Variants in PPP1R16B observed in about 807,000 individuals in gnomAD.
PPP1R16B encodes the protein protein phosphatase 1 regulatory inhibitor subunit 16B.
A neutral mutation model predicts 61.7 loss-of-function variants in PPP1R16B; 14 were observed. That is an observed-to-expected ratio of 0.23 (90% confidence interval 0.15 to 0.35). The LOEUF is 0.35. Among genes scored for constraint, PPP1R16B ranks in the 10% least tolerant of loss-of-function variants. The pLI is 1.00. For missense variants in PPP1R16B, 547 were observed against 752.5 expected, an observed-to-expected ratio of 0.73 and a Z score of 3.19; for synonymous variants, 266 against 305.3, an observed-to-expected ratio of 0.87 and a Z score of 1.34.
At chr20:38,870,154 C>T (rs1204516722) in intron 2 of PPP1R16B, among the ~76,000 whole-genome samples, 1 of 152,070 alleles carries the variant, frequency 6.6e-6, no homozygotes, top group African/African-American at 2.4e-5. Context: ...GAATTCCTGA[C>T]CTCAAGTGAT....
intron 2 of PPP1R16B, among the ~76,000 whole-genome samples, chr20:38,857,230 T>C (rs1017589342): frequency 3.3e-5 from 5 of 152,268 alleles, no homozygotes; most frequent in Admixed American, 3.3e-4. Flanking sequence ...CTCCTGGCTT[T>C]AGGAAGTTTC....
chr20:38,858,420 C>G (rs75811438), intron 2 of PPP1R16B, among the ~76,000 whole-genome samples: 3,233 of 152,224 alleles, frequency 0.021, 102 homozygotes, highest in African/African-American at 0.074. Context: ...TTGAAGGAAA[C>G]TTTACTGCTG....
intron 2 of PPP1R16B, among the ~76,000 whole-genome samples, chr20:38,861,431 C>G (rs1199009197): frequency 6.6e-6 from 1 of 152,206 alleles, no homozygotes; most frequent in Admixed American, 6.5e-5. Flanking sequence ...AGAGCCAAGA[C>G]TCCTGTGTCC....
At chr20:38,834,700 T>C (rs1405482133) in intron 1 of PPP1R16B, among the ~76,000 whole-genome samples, 1 of 152,164 alleles carries the variant, frequency 6.6e-6, no homozygotes, top group Non-Finnish European at 1.5e-5. Context: ...TATCATAATA[T>C]AAATGAATAT....
Position 38,895,581 on chromosome 20 carries a change from T to G in PPP1R16B, c.338T>G (p.Phe113Cys), listed in dbSNP as rs778459886. ...CTCTCCCAGTGCTGCATCGACAACT[T>G]TGAGGAAATTGTGAAGCTGCTCCTC... ...TALHQCCIDN[F>C]EEIVKLLLSH... is the part of the protein sequence containing the mutation. The change falls in exon 4 of 11, where the codon TTT (phenylalanine) becomes TGT (cysteine). Residue 113 changes from phenylalanine (F) to cysteine (C), a missense_variant. Phe to Cys is a radical substitution (Grantham distance 205, BLOSUM62 -2). Coordinates refer to ENST00000299824, the MANE Select transcript of PPP1R16B (RefSeq NM_015568.4). 1 of 1,613,788 alleles carries G rather than the reference T, an allele frequency of 6.2e-7. No individual in the cohort carries two copies.
chr20:38,915,166 G>A (rs981142240), intron 10 of PPP1R16B, among the ~76,000 whole-genome samples: 2 of 152,124 alleles, frequency 1.3e-5, no homozygotes, highest in African/African-American at 4.8e-5. Flanking sequence ...ATGAACTAAA[G>A]CCCATAGTTT....
At chr20:38,826,291 T>G (rs1363110713) in intron 1 of PPP1R16B, among the ~76,000 whole-genome samples, 1 of 152,224 alleles carries the variant, frequency 6.6e-6, no homozygotes, top group Non-Finnish European at 1.5e-5. Flanking sequence ...AGCTATTACA[T>G]AAGCTTCTTT....
intron 2 of PPP1R16B, among the ~76,000 whole-genome samples, chr20:38,885,036 C>CAAAAAAAAAAAAAA (rs71330453): frequency 1.5e-5 from 1 of 67,814 alleles, no homozygotes; most frequent in African/African-American, 6.5e-5. Context: ...AACTCTGTCT[C>CAAAAAAAAAAAAAA]AAAAAAAAAA....
At chr20:38,825,067 T>G (rs1393876797) in intron 1 of PPP1R16B, among the ~76,000 whole-genome samples, 1 of 152,228 alleles carries the variant, frequency 6.6e-6, no homozygotes, top group Admixed American at 6.5e-5. Context: ...AGATAGCTTG[T>G]TAGGGATATT....
intron 2 of PPP1R16B, among the ~76,000 whole-genome samples, chr20:38,874,209 T>C (rs1276137830): frequency 3.3e-5 from 5 of 152,156 alleles, no homozygotes; most frequent in African/African-American, 1.2e-4. Flanking sequence ...CCTTATCTTG[T>C]AGTCAGTCCA....
At chr20:38,890,428 C>T (rs1048174572) in intron 3 of PPP1R16B, among the ~76,000 whole-genome samples, 3 of 152,248 alleles carry the variant, frequency 2.0e-5, no homozygotes, top group Non-Finnish European at 4.4e-5. Flanking sequence ...CCCAACTTCT[C>T]AGGTCCTTGT....
chr20:38,906,833 G>A, intron 7 of PPP1R16B, 146 bp from the exon 8 acceptor site: 1 of 673,252 alleles, frequency 1.5e-6, no homozygotes, highest in Admixed American at 2.3e-5. Context: ...TCCCCCCATG[G>A]CTCTAGTTTG....
chr20:38,868,583 A>G (rs1488240368), intron 2 of PPP1R16B, among the ~76,000 whole-genome samples: 2 of 152,070 alleles, frequency 1.3e-5, no homozygotes, highest in Admixed American at 6.5e-5. Context: ...GGGTTTCACT[A>G]TGTTGGTCAG....
chr20:38,885,967 G>A (rs956685781), intron 2 of PPP1R16B, among the ~76,000 whole-genome samples: 1 of 152,122 alleles, frequency 6.6e-6, no homozygotes, highest in African/African-American at 2.4e-5. Context: ...GTAGAGACAG[G>A]GTTTCGCCAT....
intron 3 of PPP1R16B, among the ~76,000 whole-genome samples, chr20:38,894,708 G>T (rs532137853): frequency 6.6e-6 from 1 of 152,138 alleles, no homozygotes; most frequent in Non-Finnish European, 1.5e-5. Flanking sequence ...CTGTAAAGTG[G>T]CTCCCTGTCT....
intron 1 of PPP1R16B, among the ~76,000 whole-genome samples, chr20:38,812,050 G>A (rs186196740): frequency 2.0e-5 from 3 of 152,294 alleles, no homozygotes; most frequent in Non-Finnish European, 4.4e-5. Context: ...GGAGTCCCAG[G>A]GGTTTAGCTT....
intron 4 of PPP1R16B, 122 bp downstream of exon 4, chr20:38,895,832 C>T (rs1248733546): frequency 8.3e-6 from 9 of 1,079,970 alleles, no homozygotes; most frequent in East Asian, 2.9e-5. Context: ...TTCCTTCTTT[C>T]TCTCCTCCCT....
At chr20:38,836,359 C>CCT (rs1555803086) in intron 2 of PPP1R16B, among the ~76,000 whole-genome samples, 184 bp downstream of exon 2, 4 of 151,762 alleles carry the variant, frequency 2.6e-5, no homozygotes, top group Non-Finnish European at 5.9e-5. Context: ...TCTTAGACTT[C>CCT]TTTTTTTTCT....
chr20:38,880,874 T>C (rs1394850727), intron 2 of PPP1R16B, among the ~76,000 whole-genome samples: 2 of 152,210 alleles, frequency 1.3e-5, no homozygotes, highest in Non-Finnish European at 1.5e-5. Context: ...GTTTAACTTT[T>C]TAAGGACCTG....
Sources: allele counts gnomAD v4.1 joint callset (sites outside exome capture counted in the v4.1 genomes callset), GRCh38; gene constraint gnomAD v4.1.1; transcripts MANE v1.5; gene names NCBI Gene and HGNC (gene_info 2026-07-23, HGNC 2026-07-21).